Variants in PTBP2 observed in about 807,000 individuals in gnomAD.
PTBP2 encodes polypyrimidine tract binding protein 2.
PTBP2 carries 13 observed loss-of-function variants against 61.4 expected under a neutral mutation model. The observed-to-expected ratio is 0.21, with a 90% CI of 0.14 to 0.34. PTBP2 has a LOEUF of 0.34. Ranked by LOEUF, PTBP2 falls within the 10% of genes least tolerant of loss-of-function variation. The probability of loss-of-function intolerance (pLI) is 1.00; values close to 1 mark genes in which losing one functional copy is unlikely to be tolerated. For synonymous variants in PTBP2, 215 were observed against 218.5 expected, an observed-to-expected ratio of 0.98 and a Z score of 0.14; for missense variants, 405 against 642.6, an observed-to-expected ratio of 0.63 and a Z score of 4.00.
chr1:96,807,413 A>T (rs1170333339), intron 11 of PTBP2, among the ~76,000 whole-genome samples: 1 of 152,186 alleles, frequency 6.6e-6, no homozygotes, highest in Non-Finnish European at 1.5e-5. Flanking sequence ...TCCCTTTGGG[A>T]ATCTTAAAAG....
intron 8 of PTBP2, among the ~76,000 whole-genome samples, chr1:96,794,586 A>G (rs573296706): frequency 6.6e-6 from 1 of 152,254 alleles, no homozygotes; most frequent in African/African-American, 2.4e-5. Context: ...TTTATTCTTT[A>G]TTGTATTATT....
intron 2 of PTBP2, 110 bp downstream of exon 2, chr1:96,723,704 T>G: frequency 1.1e-6 from 1 of 920,820 alleles, no homozygotes; most frequent in Non-Finnish European, 1.6e-6. Flanking sequence ...AAAACCCAAG[T>G]GTAAAATGTT....
At chr1:96,765,708 T>TTAGATAGATAGATAGATAGATAGA (rs34315705) in intron 3 of PTBP2, among the ~76,000 whole-genome samples, 7 of 147,278 alleles carry the variant, frequency 4.8e-5, no homozygotes, top group East Asian at 4.0e-4. Context: ...AGACTCTGTC[T>TTAGATAGATAGATAGATAGATAGA]TAGATAGATA....
At chr1:96,773,223 G>A (rs1016931750) in intron 5 of PTBP2, among the ~76,000 whole-genome samples, 1 of 151,828 alleles carries the variant, frequency 6.6e-6, no homozygotes, top group African/African-American at 2.4e-5. Context: ...CCCATTGAGA[G>A]GGGATATTTG....
At chr1:96,767,367 T>C (rs369152518) in intron 3 of PTBP2, among the ~76,000 whole-genome samples, 2 of 152,274 alleles carry the variant, frequency 1.3e-5, no homozygotes, top group African/African-American at 4.8e-5. Context: ...AGGTAGTATC[T>C]TTATTGGTCT....
At chr1:96,774,674 C>G (rs185908432) in intron 5 of PTBP2, among the ~76,000 whole-genome samples, 1 of 152,160 alleles carries the variant, frequency 6.6e-6, no homozygotes, top group Admixed American at 6.5e-5. Context: ...TATATTACTA[C>G]GACAGTTCTC....
intron 2 of PTBP2, among the ~76,000 whole-genome samples, chr1:96,741,575 A>G (rs1346813447): frequency 6.6e-6 from 1 of 151,634 alleles, no homozygotes; most frequent in African/African-American, 2.4e-5. Context: ...TTTGTTAGTT[A>G]CATGTCCTAC....
At chr1:96,723,633 C>A (rs768528773) in intron 2 of PTBP2, 39 bp downstream of exon 2, 11 of 1,524,424 alleles carry the variant, frequency 7.2e-6, no homozygotes, top group South Asian at 1.3e-5. Context: ...ATTGTTGGAT[C>A]TATTATCATA....
rs886996770 is a variant in PTBP2 at position 96,749,743 on chromosome 1, G to A, written c.40-1682G>A. ...GGGACATTGTACTTGGTTGACACTT[G>A]GGAATATTGTAGTGAGCACTACTGA... On this transcript the variant is annotated intron_variant, in intron 2 of 13. Coordinates refer to ENST00000674951, the MANE Select transcript of PTBP2 (RefSeq NM_021190.4). 12 of 447,706 alleles carry A rather than the reference G, an allele frequency of 2.7e-5. No homozygotes were observed. In the Middle Eastern group the frequency reaches 1.3e-3, roughly 49 times the overall value. The allele number at this position is 447,706 out of a possible 1,614,324, so 27.7% of individuals were successfully genotyped here.
At chr1:96,817,428 ATAGT>A (rs1662527471), downstream of PTBP2, 1 of 152,128 alleles carries the variant, frequency 6.6e-6, no homozygotes, top group Non-Finnish European at 1.5e-5. Context: ...CCTTAGTTTT[ATAGT>A]TATTCTTTGT....
At chr1:96,808,083 C>T (rs1353048070) in intron 11 of PTBP2, among the ~76,000 whole-genome samples, 4 of 151,962 alleles carry the variant, frequency 2.6e-5, no homozygotes, top group Admixed American at 2.6e-4. Flanking sequence ...GGCATTGTGT[C>T]ATTTAAATAA....
At chr1:96,731,482 C>A (rs2100808468) in intron 2 of PTBP2, among the ~76,000 whole-genome samples, 1 of 152,128 alleles carries the variant, frequency 6.6e-6, no homozygotes, top group Admixed American at 6.5e-5. Flanking sequence ...CTAGTTAATT[C>A]AAATATATAT....
chr1:96,772,063 C>T (rs930761130), intron 5 of PTBP2, among the ~76,000 whole-genome samples: 4 of 151,942 alleles, frequency 2.6e-5, no homozygotes, highest in Admixed American at 6.6e-5. Context: ...CACTGTCTGC[C>T]GGGAGATAGC....
In PTBP2 at chr1:96,760,139, T is replaced by C. The variant is rs994482387; in HGVS notation, c.115+8639T>C. ...TGGGTGGGGACACAGCCAAACCATA[T>C]CAATGACAAAGGACTTGTATCCCAA... On this transcript the variant is annotated intron_variant, in intron 3 of 13. Coordinates refer to ENST00000674951, the MANE Select transcript of PTBP2 (RefSeq NM_021190.4). 5.9e-5 allele frequency among the ~76,000 whole-genome samples: 9 copies of C among 151,752 alleles called. No homozygotes were observed. The South Asian group carries it at 1.5e-3, about 25-fold the overall frequency.
intron 11 of PTBP2, among the ~76,000 whole-genome samples, chr1:96,808,663 C>T (rs987731701): frequency 6.6e-6 from 1 of 152,022 alleles, no homozygotes; most frequent in Admixed American, 6.5e-5. Context: ...TTTTGACTTG[C>T]TAGTAGGGCT....
At position 96,813,583 on chromosome 1, in the gene PTBP2, G is replaced by T. The variant is rs1365579019; in HGVS notation, c.*178G>T. Reference sequence around the variant, plus strand: ...ATAAAATGAAATGGCATATGTAAAGGCAGAGTTGTTAACTGCTATATTTCA... The same window carrying T: ...ATAAAATGAAATGGCATATGTAAAGTCAGAGTTGTTAACTGCTATATTTCA... On this transcript the variant is annotated 3_prime_UTR_variant, in exon 14 of 14. Transcript: ENST00000674951. 1 of 505,650 alleles carries T rather than the reference G, an allele frequency of 2.0e-6. No individual in the cohort carries two copies. Among genetic ancestry groups the T allele is most frequent in the Non-Finnish European group, 3.2e-6 (1 of 312,856 alleles). 31.3% of individuals were successfully genotyped at this position (505,650 alleles called of 1,614,324 possible).
intron 2 of PTBP2, among the ~76,000 whole-genome samples, chr1:96,739,054 ATGCATACAATTTATATG>A (rs1228786250): frequency 6.6e-6 from 1 of 152,214 alleles, no homozygotes; most frequent in African/African-American, 2.4e-5. Flanking sequence ...ACTTTGACAA[ATGCATACAATTTATATG>A]TGTCCCCAAA....
chr1:96,787,013 A>ATAT (rs1659279038), intron 8 of PTBP2, among the ~76,000 whole-genome samples: 1 of 152,066 alleles, frequency 6.6e-6, no homozygotes, highest in Non-Finnish European at 1.5e-5. Context: ...TTTTAAAACA[A>ATAT]TAATAAAGTC....
chr1:96,817,894 CTTTATAA>C (rs1662542513), downstream of PTBP2: 1 of 151,996 alleles, frequency 6.6e-6, no homozygotes, highest in South Asian at 2.1e-4. Context: ...TCAAAACACA[CTTTATAA>C]TTTTTAACAG....
Sources: gnomAD v4.1 joint callset for allele counts (sites outside exome capture counted in the v4.1 genomes callset) on GRCh38, gnomAD v4.1.1 for gene constraint, MANE v1.5 for transcripts, NCBI Gene and HGNC (gene_info 2026-07-23, HGNC 2026-07-21) for gene names.